The following TPCN1 variants were observed in gnomAD, a reference collection of about 807,000 sequenced individuals.
The protein encoded by TPCN1 is two pore segment channel 1, also known as two pore channel protein 1.
TPCN1 carries 52 observed loss-of-function variants against 108.8 expected under a neutral mutation model. That is an observed-to-expected ratio of 0.48 (90% CI 0.38 to 0.60). The LOEUF (loss-of-function observed/expected upper bound fraction) is 0.60. Among genes scored for constraint, TPCN1 ranks in the 20% least tolerant of loss-of-function variants. TPCN1 has a pLI of 0.00. For synonymous variants in TPCN1, 446 were observed against 433.7 expected (o/e 1.03, Z -0.35); for missense variants, 806 against 1,072.8 (o/e 0.75, Z 3.47).
chr12:113,261,504 G>T (rs929882568), intron 3 of TPCN1, among the ~76,000 whole-genome samples: 1 of 140,154 alleles, frequency 7.1e-6, no homozygotes, highest in African/African-American at 2.7e-5. Context: ...TCTCGGCTCA[G>T]TGCAACCTCT....
At chr12:113,270,258 G>A (rs1391335850) in intron 7 of TPCN1, among the ~76,000 whole-genome samples, 6 of 152,020 alleles carry the variant, frequency 3.9e-5, no homozygotes, top group Middle Eastern at 3.2e-3. Context: ...AGTCCTTTTG[G>A]ACTGCTGTAA....
At chr12:113,244,860 A>G in intron 2 of TPCN1, 1 of 740,270 alleles carries the variant, frequency 1.4e-6, no homozygotes, top group Non-Finnish European at 1.6e-6. Flanking sequence ...GGAGTGGAGG[A>G]GGCACAGCTG....
At chr12:113,227,041 C>A in intron 2 of TPCN1, 77 bp downstream of exon 2, 1 of 1,250,212 alleles carries the variant, frequency 8.0e-7, no homozygotes, top group Non-Finnish European at 1.1e-6. Flanking sequence ...GCTTTGTGGT[C>A]TGATAGTAGG....
chr12:113,233,341 G>T (rs1302157432), intron 2 of TPCN1, among the ~76,000 whole-genome samples: 2 of 152,250 alleles, frequency 1.3e-5, no homozygotes, highest in African/African-American at 4.8e-5. Flanking sequence ...CGCTTCATGA[G>T]CCAGAACCGT....
At chr12:113,248,099 C>A (rs911042646) in intron 2 of TPCN1, among the ~76,000 whole-genome samples, 2 of 152,236 alleles carry the variant, frequency 1.3e-5, no homozygotes, top group East Asian at 1.9e-4. Context: ...TACAAACTTA[C>A]CACATCACAC....
chr12:113,286,688 C>T (rs564284518), intron 18 of TPCN1, among the ~76,000 whole-genome samples: 15 of 152,278 alleles, frequency 9.9e-5, no homozygotes, highest in African/African-American at 2.6e-4. Flanking sequence ...CTGCAGAGGC[C>T]GGGGCTTCTT....
intron 1 of TPCN1, among the ~76,000 whole-genome samples, chr12:113,223,510 G>A (rs930756887): frequency 6.7e-6 from 1 of 149,292 alleles, no homozygotes; most frequent in African/African-American, 2.5e-5. Context: ...AGGCTAGCTC[G>A]GAGTGTTTTA....
intron 11 of TPCN1, 83 bp from the exon 12 acceptor site, chr12:113,277,157 A>G (rs1228752846): frequency 3.1e-6 from 5 of 1,605,940 alleles, no homozygotes; most frequent in Non-Finnish European, 4.3e-6. Flanking sequence ...GGAAGAATGA[A>G]CAGAGCTGGA....
intron 2 of TPCN1, among the ~76,000 whole-genome samples, chr12:113,240,665 A>G (rs1355780770): frequency 6.6e-6 from 1 of 151,920 alleles, no homozygotes; most frequent in Non-Finnish European, 1.5e-5. Flanking sequence ...CAGTTGAGGG[A>G]CAGTAGTTAA....
chr12:113,273,094 C>G lies in TPCN1; in HGVS notation c.784-138C>G. ...CTCTGGACTGCATGTTTGCTCTTTC[C>G]TCTGCCTCCCTCAGGGATTCCTTGA... On this transcript the variant is annotated intron_variant, in intron 8 of 27. Coordinates refer to ENST00000335509, the MANE Select transcript of TPCN1 (RefSeq NM_017901.6). This position sits in a 1 kb window ranked among gnomAD's most constrained non-coding sequence, Gnocchi z 4.0. 1 of 778,260 alleles carries G rather than the reference C, an allele frequency of 1.3e-6. No individual in the cohort carries two copies. Among genetic ancestry groups the G allele is most frequent in the Non-Finnish European group, 2.3e-6 (1 of 438,474 alleles). 48.2% of individuals were successfully genotyped at this position (778,260 alleles called of 1,614,324 possible).
chr12:113,284,586 G>A lies in TPCN1; in HGVS notation c.1348G>A (p.Val450Met). 6.2e-7 allele frequency: 1 copy of A among 1,614,154 alleles called. No individual in the cohort carries two copies. Among genetic ancestry groups the A allele is most frequent in the Non-Finnish European group, 8.5e-7 (1 of 1,180,028 alleles). ...TACGGGCCTGTGTATTTCAGACTTG[G>A]TGGTGGCAGTCAACGGGGTCTGGAT... ...SKAFQYFMYL[V>M]VAVNGVWILV... Residue 450 changes from valine (V) to methionine (M), a missense_variant, in exon 16 of 28, where the codon GTG (valine) becomes ATG (methionine). Coordinates refer to ENST00000335509, the MANE Select transcript of TPCN1 (RefSeq NM_017901.6). This position sits in a 1 kb window ranked among gnomAD's most constrained non-coding sequence, Gnocchi z 4.1.
chr12:113,243,729 G>C (rs1022143512), intron 2 of TPCN1, among the ~76,000 whole-genome samples: 30 of 152,224 alleles, frequency 2.0e-4, no homozygotes, highest in Non-Finnish European at 3.4e-4. Context: ...ACTCCAGCCT[G>C]AGCAACAAGA....
rs758966994 is a variant in TPCN1, at chr12:113,277,315, C to T, written c.1135C>T (p.Arg379Cys). 54 of 1,614,038 alleles carry T rather than the reference C, an allele frequency of 3.3e-5. No individual in the cohort carries two copies. Among genetic ancestry groups the T allele is most frequent in the Admixed American group, 2.2e-4 (13 of 60,004 alleles). Residue 379 changes from arginine (R) to cysteine (C), a missense_variant, in exon 12 of 28, where the codon CGC (arginine) becomes TGC (cysteine). Arg to Cys is a radical substitution (Grantham distance 180). Coordinates refer to ENST00000335509, the MANE Select transcript of TPCN1 (RefSeq NM_017901.6). ...FYKPRMSARE[R>C]YLTFKALNQN... Reference sequence around the variant, plus strand: ...CAAGCCCCGGATGAGTGCCAGGGAGCGCTATCTTACCTTCAAGGCCCTGAA... The same window carrying T: ...CAAGCCCCGGATGAGTGCCAGGGAGTGCTATCTTACCTTCAAGGCCCTGAA...
Position 113,298,237 on chromosome 12 carries a change from C to T in TPCN1, c.*2161C>T, listed in dbSNP as rs1240670231. 1.3e-5 allele frequency: 2 copies of T among 152,386 alleles called. No homozygotes were observed. Among genetic ancestry groups the T allele is most frequent in the Non-Finnish European group, 2.9e-5 (2 of 68,134 alleles). The allele number at this position is 152,386 out of a possible 1,614,324, so 9.4% of individuals were successfully genotyped here. A position where few individuals can be genotyped will look rare whatever the true frequency, so the allele number is the denominator to read the frequency against. On this transcript the variant is annotated 3_prime_UTR_variant, in exon 28 of 28. Coordinates refer to ENST00000335509, the MANE Select transcript of TPCN1 (RefSeq NM_017901.6). ...TATCCCCAGGTTATGCCTGGCCCCA[C>T]CCAGCAGGGAGTTGGGGTCCCCCCA...
At chr12:113,271,433 C>T (rs1955497590) in intron 7 of TPCN1, among the ~76,000 whole-genome samples, 1 of 152,212 alleles carries the variant, frequency 6.6e-6, no homozygotes. Flanking sequence ...GCTTATCATT[C>T]CCATGCACGT....
At chr12:113,253,058 G>T (rs1954707781) in intron 2 of TPCN1, among the ~76,000 whole-genome samples, 1 of 152,148 alleles carries the variant, frequency 6.6e-6, no homozygotes, top group South Asian at 2.1e-4. Context: ...GTAGTCTACC[G>T]ATTGGGAGCT....
At chr12:113,270,844 C>T (rs1423094789) in intron 7 of TPCN1, among the ~76,000 whole-genome samples, 1 of 152,172 alleles carries the variant, frequency 6.6e-6, no homozygotes, top group African/African-American at 2.4e-5. Context: ...GACCTCTTCA[C>T]CTCCCACAGC....
chr12:113,278,772 G>GTTTCTTGTCTA lies in TPCN1; in HGVS notation c.1234_1235insTTTCTTGTCTA (p.Ala412ValfsTer31). On this transcript the variant is annotated frameshift_variant and splice_region_variant, in exon 14 of 28. Transcript: ENST00000335509. LOFTEE classifies it high-confidence loss of function. Reference sequence around the variant, plus strand: ...CCCTCTTGGTCCTGTTGTCTACCAGGCCAAGAAAAACAGAGAGCACTGGTT... The same window carrying GTTTCTTGTCTA: ...CCCTCTTGGTCCTGTTGTCTACCAGGTTTCTTGTCTACCAAGAAAAACAGAGAGCACTGGTT... 2 of 1,613,848 alleles carry GTTTCTTGTCTA rather than the reference G, an allele frequency of 1.2e-6. No individual in the cohort carries two copies. Among genetic ancestry groups the GTTTCTTGTCTA allele is most frequent in the South Asian group, 2.2e-5 (2 of 91,072 alleles).
chr12:113,251,709 G>A (rs1566157605), intron 2 of TPCN1, among the ~76,000 whole-genome samples: 1 of 152,258 alleles, frequency 6.6e-6, no homozygotes. Flanking sequence ...CAGGAATAGG[G>A]AAAAGGGAGA....
Sources: allele counts gnomAD v4.1 joint callset (sites outside exome capture counted in the v4.1 genomes callset), GRCh38; gene constraint gnomAD v4.1.1; non-coding constraint Gnocchi (gnomAD v3.1); transcripts MANE v1.5; gene names NCBI Gene and HGNC (gene_info 2026-07-23, HGNC 2026-07-21).